The following CLIC5 variants were observed in gnomAD, a reference collection of about 807,000 sequenced individuals.
CLIC5 encodes the protein CLIC family member 5.
CLIC5 carries 20 observed loss-of-function variants against 24.7 expected under a neutral mutation model. The observed-to-expected ratio is 0.81, with a 90% CI of 0.57 to 1.18. The LOEUF (loss-of-function observed/expected upper bound fraction) is 1.18, where lower values mean the gene tolerates loss of function less well. CLIC5 is among the 50% of genes most tolerant of loss of function. The pLI is 0.00. For missense variants in CLIC5, 341 were observed against 326.1 expected, an observed-to-expected ratio of 1.05 and a Z score of -0.35; for synonymous variants, 159 against 135.6, an observed-to-expected ratio of 1.17 and a Z score of -1.20.
intron 1 of CLIC5, among the ~76,000 whole-genome samples, chr6:46,046,020 G>T (rs2127462718): frequency 1.3e-5 from 2 of 152,296 alleles, no homozygotes; most frequent in South Asian, 4.1e-4. Context: ...GCATGGGATT[G>T]GGGAGCTGGG....
chr6:46,036,617 A>C (rs1767669620), intron 1 of CLIC5, among the ~76,000 whole-genome samples: 1 of 152,136 alleles, frequency 6.6e-6, no homozygotes, highest in Non-Finnish European at 1.5e-5. Flanking sequence ...GCCGACTGCA[A>C]AGTCTTTGAG....
Position 45,900,955 on chromosome 6 carries a change from G to A in CLIC5, c.*2133C>T, listed in dbSNP as rs1762495429. ...GTGGCCTCACCGGAGGCTTGGTTCT[G>A]TTTTCTCTGTGGCAATTGGCTATGA... On this transcript the variant is annotated 3_prime_UTR_variant, in exon 6 of 6. Transcript: ENST00000339561. The A allele has an allele frequency of 1.3e-5, 2 of 152,146 alleles. No homozygotes were observed. Among genetic ancestry groups the A allele is most frequent in the Admixed American group, 1.3e-4 (2 of 15,276 alleles). 9.4% of individuals were successfully genotyped at this position (152,146 alleles called of 1,614,324 possible). A position where few individuals can be genotyped will look rare whatever the true frequency, so the allele number is the denominator to read the frequency against.
chr6:45,955,506 C>T (rs1053209234), intron 1 of CLIC5, among the ~76,000 whole-genome samples: 2 of 152,106 alleles, frequency 1.3e-5, no homozygotes, highest in Admixed American at 6.6e-5. Context: ...AATCATAGAA[C>T]CCTTGGGGTA....
intron 2 of CLIC5, among the ~76,000 whole-genome samples, chr6:45,954,394 A>G (rs1027335678): frequency 3.9e-5 from 6 of 152,190 alleles, no homozygotes; most frequent in Non-Finnish European, 7.3e-5. Context: ...ATGATAAGAG[A>G]ACATCCAAGT....
intron 1 of CLIC5, chr6:46,014,285 T>C (rs1766913235): frequency 6.6e-6 from 1 of 152,214 alleles, no homozygotes; most frequent in Non-Finnish European, 1.5e-5. Flanking sequence ...AGACCACAGA[T>C]TGTTATCAAG....
At chr6:45,978,341 G>C (rs1765454466) in intron 1 of CLIC5, among the ~76,000 whole-genome samples, 1 of 152,112 alleles carries the variant, frequency 6.6e-6, no homozygotes, top group Non-Finnish European at 1.5e-5. Context: ...TTTGACTGGG[G>C]ATGGCTAACA....
the CLIC5 span, among the ~76,000 whole-genome samples, chr6:46,092,106 CACA>C: frequency 1.3e-5 from 2 of 152,178 alleles, no homozygotes; most frequent in Non-Finnish European, 2.9e-5. Context: ...ATTCAATCTT[CACA>C]ACTACTCTAT....
At chr6:46,072,986 A>T (rs535855530) in intron 1 of CLIC5, among the ~76,000 whole-genome samples, 1 of 152,312 alleles carries the variant, frequency 6.6e-6, no homozygotes, top group South Asian at 2.1e-4. Flanking sequence ...ATAAAGAAAA[A>T]TCCCCTGGAT....
At chr6:46,024,052 G>A (rs1336611543) in intron 1 of CLIC5, among the ~76,000 whole-genome samples, 1 of 152,170 alleles carries the variant, frequency 6.6e-6, no homozygotes, top group Non-Finnish European at 1.5e-5. Context: ...TGGGGGGAAA[G>A]CAAGGTTAGG....
intron 4 of CLIC5, among the ~76,000 whole-genome samples, chr6:45,929,806 T>TA (rs1051408372): frequency 6.6e-6 from 1 of 152,214 alleles, no homozygotes; most frequent in Non-Finnish European, 1.5e-5. Flanking sequence ...CACGGCCACC[T>TA]AAGTGACTCT....
At chr6:45,941,714 C>T (rs1348731836) in intron 3 of CLIC5, 61 bp from the exon 4 acceptor site, 24 of 1,216,466 alleles carry the variant, frequency 2.0e-5, no homozygotes, top group Middle Eastern at 1.9e-4. Flanking sequence ...TAAGGGTGAG[C>T]CTATCCCTAT....
intron 2 of CLIC5, among the ~76,000 whole-genome samples, chr6:45,950,277 T>A (rs367713898): frequency 2.0e-5 from 3 of 152,132 alleles, no homozygotes; most frequent in African/African-American, 7.2e-5. Context: ...CATGCATTTT[T>A]GATTCAGCTA....
At chr6:45,889,186 G>T (rs1432589741) in intron 6 of CLIC5, among the ~76,000 whole-genome samples, 1 of 151,476 alleles carries the variant, frequency 6.6e-6, no homozygotes, top group Non-Finnish European at 1.5e-5. Flanking sequence ...CAAGGTGAAG[G>T]TGCTAGCAGA....
chr6:45,915,920 C>G (rs963252202), intron 4 of CLIC5, among the ~76,000 whole-genome samples: 1 of 152,196 alleles, frequency 6.6e-6, no homozygotes, highest in Non-Finnish European at 1.5e-5. Flanking sequence ...TCCCCAGACT[C>G]TGGTTTAGAG....
intron 4 of CLIC5, chr6:45,934,464 A>T: frequency 6.6e-6 from 1 of 152,436 alleles, no homozygotes. Context: ...AAGCCTTGAA[A>T]GACTAAAACC....
chr6:46,059,580 A>T (rs1424022069), intron 1 of CLIC5, among the ~76,000 whole-genome samples: 2 of 152,180 alleles, frequency 1.3e-5, no homozygotes, highest in African/African-American at 4.8e-5. Context: ...ACATGCCAAG[A>T]CACATGCCAG....
rs77822539 is a variant in CLIC5 at position 45,965,960 on chromosome 6, G to A, written c.64-10716C>T. On this transcript the variant is annotated intron_variant, in intron 1 of 5. Transcript: ENST00000339561. ...GCTACTCCTACAAAGGTTGGTGTTT[G>A]GGATCCTGACATAGCTGAGATTCCT... 7.6e-3 allele frequency among the ~76,000 whole-genome samples: 1,159 copies of A among 152,250 alleles called. 8 individuals are homozygous for A. The highest frequency in any genetic ancestry group is 0.036 in the South Asian group (172 of 4,822).
intron 3 of CLIC5, among the ~76,000 whole-genome samples, chr6:45,948,710 A>G (rs1764367259): frequency 6.6e-6 from 1 of 152,128 alleles, no homozygotes; most frequent in Non-Finnish European, 1.5e-5. Flanking sequence ...TTATAGCTCT[A>G]CGGTCTATAC....
the CLIC5 span, among the ~76,000 whole-genome samples, chr6:46,086,002 T>C: frequency 2.6e-5 from 4 of 152,202 alleles, no homozygotes. Flanking sequence ...CTCAGACTGC[T>C]GTGCTAGCAA....
Sources: gnomAD v4.1 joint callset for allele counts (sites outside exome capture counted in the v4.1 genomes callset) on GRCh38, gnomAD v4.1.1 for gene constraint, MANE v1.5 for transcripts, NCBI Gene and HGNC (gene_info 2026-07-23, HGNC 2026-07-21) for gene names.